The following NKTR variants were observed in gnomAD, a reference collection of about 807,000 sequenced individuals.
The protein encoded by NKTR is NK-tumor recognition protein.
NKTR carries 67 observed loss-of-function variants against 156.3 expected under a neutral mutation model. The ratio of observed to expected loss-of-function variants is 0.43; its 90% CI spans 0.35 to 0.53. The LOEUF (loss-of-function observed/expected upper bound fraction) is 0.53. NKTR is among the 20% of genes least tolerant of loss of function. The probability of loss-of-function intolerance (pLI) is 0.01; values close to 1 mark genes in which losing one functional copy is unlikely to be tolerated. For missense variants in NKTR, 1,604 were observed against 1,730.9 expected (o/e 0.93, Z 1.30); for synonymous variants, 640 against 596.6 (o/e 1.07, Z -1.06).
At chr3:42,623,544 T>C (rs1262520939) in intron 6 of NKTR, among the ~76,000 whole-genome samples, 9 of 152,144 alleles carry the variant, frequency 5.9e-5, no homozygotes, top group Admixed American at 6.5e-5. Flanking sequence ...CTAAAACATA[T>C]CCTTGCATTT....
intron 13 of NKTR, among the ~76,000 whole-genome samples, chr3:42,640,558 C>T (rs1709800470): frequency 1.3e-5 from 2 of 152,232 alleles, no homozygotes; most frequent in South Asian, 4.1e-4. Context: ...ACGTTTGTTT[C>T]CTTTCTAGTT....
chr3:42,642,729 GT>G, intron 14 of NKTR, 133 bp downstream of exon 14: 2 of 666,808 alleles, frequency 3.0e-6, no homozygotes, highest in Middle Eastern at 2.6e-4. Context: ...TTCTCATGTA[GT>G]TTTTTCTATG....
In NKTR at chr3:42,638,750, T is replaced by A; in HGVS notation, c.3046T>A (p.Trp1016Arg). The change falls in exon 13 of 17, where the codon TGG becomes AGG. Residue 1016 changes from tryptophan to arginine, a missense_variant. Transcript: ENST00000232978. ...TCCAAAACGAAAGCAAGCATTTCAC[T>A]GGCAGCCTCCACTAGAATTTGGTGA... The part of the protein sequence containing the change: ...KAPKRKQAFH[W>R]QPPLEFGEEE... The A allele has an allele frequency of 6.2e-7, 1 of 1,613,990 alleles. No homozygotes were observed. The highest frequency in any genetic ancestry group is 8.5e-7 in the Non-Finnish European group (1 of 1,180,026).
chr3:42,628,159 A>G, intron 6 of NKTR: 1 of 985,132 alleles, frequency 1.0e-6, no homozygotes, highest in Non-Finnish European at 1.2e-6. Flanking sequence ...ATCTAATCCA[A>G]TTAAAGTGCA....
rs543974727 is a variant in NKTR at position 42,621,242 on chromosome 3, G to A, written c.287-187G>A. On this transcript the variant is annotated intron_variant, in intron 5 of 16. Coordinates refer to ENST00000232978, the MANE Select transcript of NKTR (RefSeq NM_005385.4). Reference sequence around the variant, plus strand: ...GTTCTTTTCCTCAAGGCTTTAATTAGTATCTTTTGGCCTTTTTATGCTTTT... The same window carrying A: ...GTTCTTTTCCTCAAGGCTTTAATTAATATCTTTTGGCCTTTTTATGCTTTT... The A allele has an allele frequency of 7.5e-4, 953 of 1,271,698 alleles. 2 individuals are homozygous for A. Among genetic ancestry groups the A allele is most frequent in the Non-Finnish European group, 9.1e-4 (923 of 1,008,880 alleles). 78.8% of individuals were successfully genotyped at this position (1,271,698 alleles called of 1,614,324 possible).
intron 14 of NKTR, 81 bp from the exon 15 acceptor site, chr3:42,643,258 G>A: frequency 1.8e-6 from 2 of 1,087,458 alleles, no homozygotes; most frequent in African/African-American, 1.6e-5. Flanking sequence ...ACCTTGATGG[G>A]CAAATAAATG....
chr3:42,635,123 T>G, intron 11 of NKTR, 98 bp from the exon 12 acceptor site: 1 of 806,956 alleles, frequency 1.2e-6, no homozygotes, highest in Non-Finnish European at 1.9e-6. Context: ...TTACCTTTGA[T>G]GGGATGATCT....
intron 5 of NKTR, chr3:42,620,406 C>G: frequency 9.9e-7 from 1 of 1,014,418 alleles, no homozygotes; most frequent in African/African-American, 1.7e-5. Context: ...AACTATTGCA[C>G]TTGCCCCAAA....
At chr3:42,628,415 A>C in intron 6 of NKTR, 5 of 985,142 alleles carry the variant, frequency 5.1e-6, no homozygotes, top group Non-Finnish European at 6.0e-6. Flanking sequence ...CTCAAGTAGT[A>C]TGTTGCTGCA....
rs1710428247 is a variant in NKTR, at chr3:42,647,466, A to G, written c.*1491A>G. Reference sequence around the variant, plus strand: ...TGTCTGGTGTATTTGGGAAGTGGAAAAGAGCCCTCAGTTGGAGGGAGCTGA... The same window carrying G: ...TGTCTGGTGTATTTGGGAAGTGGAAGAGAGCCCTCAGTTGGAGGGAGCTGA... On this transcript the variant is annotated 3_prime_UTR_variant, in exon 17 of 17. Coordinates refer to ENST00000232978, the MANE Select transcript of NKTR (RefSeq NM_005385.4). 1 of 152,048 alleles carries G rather than the reference A, an allele frequency of 6.6e-6. No homozygotes were observed. Among genetic ancestry groups the G allele is most frequent in the South Asian group, 2.1e-4 (1 of 4,814 alleles). The allele number at this position is 152,048 out of a possible 1,614,324, so 9.4% of individuals were successfully genotyped here. A position where few individuals can be genotyped will look rare whatever the true frequency, so the allele number is the denominator to read the frequency against.
At chr3:42,634,949 TAAAA>T in intron 11 of NKTR, 1 of 450,666 alleles carries the variant, frequency 2.2e-6, no homozygotes, top group African/African-American at 2.0e-5. Context: ...ATTAAGACTT[TAAAA>T]AGGAAAATTT....
chr3:42,605,473 A>G (rs1271955390), intron 2 of NKTR, among the ~76,000 whole-genome samples: 5 of 152,260 alleles, frequency 3.3e-5, no homozygotes, highest in African/African-American at 1.2e-4. Flanking sequence ...CAAAGGATTC[A>G]GGCAAATGTT....
intron 5 of NKTR, chr3:42,620,311 G>A (rs766613741): frequency 1.7e-5 from 20 of 1,186,842 alleles, no homozygotes; most frequent in Non-Finnish European, 1.8e-5. Context: ...TTGAAATTTC[G>A]TTTTTCAAAG....
chr3:42,605,985 A>G (rs1312568754), intron 2 of NKTR, among the ~76,000 whole-genome samples: 1 of 152,180 alleles, frequency 6.6e-6, no homozygotes, highest in Non-Finnish European at 1.5e-5. Flanking sequence ...TGGTATAACA[A>G]TCGGATAAGC....
chr3:42,635,271 T>C lies in NKTR; in HGVS notation c.1068T>C (p.Asp356=), dbSNP rs1314669684. The C allele has an allele frequency of 6.2e-7, 1 of 1,613,850 alleles. No individual in the cohort carries two copies. Among genetic ancestry groups the C allele is most frequent in the Admixed American group, 1.7e-5 (1 of 60,008 alleles). ...GATCCTGTTCTGAGTCAGATGATGA[T>C]GACAGCAGTGAAACTCCTCCTCACT... is the stretch of plus-strand genomic sequence containing the variant. The part of the protein sequence containing the change: ...RSRSCSESDD[D]DSSETPPHWK... The change falls in exon 12 of 17, where the codon GAT becomes GAC. Residue 356 remains aspartate (D), a synonymous_variant. Transcript: ENST00000232978.
intron 11 of NKTR, 153 bp downstream of exon 11, chr3:42,634,853 T>G: frequency 1.8e-6 from 1 of 563,088 alleles, no homozygotes; most frequent in Non-Finnish European, 3.1e-6. Flanking sequence ...TGCTGTTAGA[T>G]CAAAGTATAC....
intron 5 of NKTR, 179 bp from the exon 6 acceptor site, chr3:42,621,250 T>A: frequency 3.1e-6 from 4 of 1,297,574 alleles, no homozygotes; most frequent in Non-Finnish European, 3.9e-6. Flanking sequence ...TAGTATCTTT[T>A]GGCCTTTTTA....
chr3:42,636,357 C>T (rs1709413773), intron 12 of NKTR, among the ~76,000 whole-genome samples: 2 of 152,146 alleles, frequency 1.3e-5, no homozygotes, highest in African/African-American at 4.8e-5. Flanking sequence ...GTACTTTTTC[C>T]TCAATTTCTG....
At chr3:42,611,548 A>G (rs1464609942) in intron 2 of NKTR, among the ~76,000 whole-genome samples, 1 of 152,092 alleles carries the variant, frequency 6.6e-6, no homozygotes, top group Non-Finnish European at 1.5e-5. Flanking sequence ...CCTGGCCAAC[A>G]TGGTGAAACC....
Sources: allele counts gnomAD v4.1 joint callset (sites outside exome capture counted in the v4.1 genomes callset), GRCh38; gene constraint gnomAD v4.1.1; transcripts MANE v1.5; gene names NCBI Gene and HGNC (gene_info 2026-07-23, HGNC 2026-07-21).